The following NR2C2 variants were observed in gnomAD, a reference collection of about 807,000 sequenced individuals.
NR2C2 encodes nuclear receptor subfamily 2 group C member 2, also known as Nuclear hormone receptor TR4.
A neutral mutation model predicts 62.9 loss-of-function variants in NR2C2; 6 were observed. The ratio of observed to expected loss-of-function variants is 0.10; its 90% CI spans 0.05 to 0.19. The LOEUF is 0.19. Among genes scored for constraint, NR2C2 ranks in the 10% least tolerant of loss-of-function variants. The pLI is 1.00. For missense variants in NR2C2, 479 were observed against 762.7 expected (o/e 0.63, Z 4.38); for synonymous variants, 272 against 273.8 (o/e 0.99, Z 0.07).
At chr3:14,948,678 TC>T (rs1388912760) in intron 1 of NR2C2, 1 of 152,820 alleles carries the variant, frequency 6.5e-6, no homozygotes, top group African/African-American at 2.4e-5. Flanking sequence ...GCTGCTTCCC[TC>T]CGCCTGGAAC....
chr3:14,970,625 A>G (rs1263700972), intron 1 of NR2C2, among the ~76,000 whole-genome samples: 1 of 152,164 alleles, frequency 6.6e-6, no homozygotes, highest in Non-Finnish European at 1.5e-5. Context: ...AATGTCCTCA[A>G]GGTTAATCCA....
intron 2 of NR2C2, among the ~76,000 whole-genome samples, chr3:15,009,220 C>A (rs1463863229): frequency 6.6e-6 from 1 of 152,188 alleles, no homozygotes; most frequent in African/African-American, 2.4e-5. Flanking sequence ...GAAACTCCGT[C>A]TCAAAAATAA....
chr3:15,014,426 C>A (rs2041446171), intron 3 of NR2C2, among the ~76,000 whole-genome samples: 1 of 151,754 alleles, frequency 6.6e-6, no homozygotes, highest in African/African-American at 2.4e-5. Flanking sequence ...GTCAGTATCC[C>A]ATGATGGCTG....
chr3:14,983,643 T>TA (rs541936813), intron 1 of NR2C2, among the ~76,000 whole-genome samples: 202 of 152,284 alleles, frequency 1.3e-3, no homozygotes, highest in African/African-American at 4.6e-3. Context: ...ATAATGTATA[T>TA]AAAATGAGAA....
chr3:15,007,158 C>T (rs1230373589), intron 2 of NR2C2, among the ~76,000 whole-genome samples: 5 of 132,998 alleles, frequency 3.8e-5, no homozygotes, highest in Middle Eastern at 5.6e-3. Flanking sequence ...GGCGGAGTCT[C>T]GCTCTGTCGC....
intron 13 of NR2C2, 42 bp from the exon 14 acceptor site, chr3:15,042,792 G>A (rs1168570343): frequency 5.0e-6 from 8 of 1,585,036 alleles, no homozygotes; most frequent in Non-Finnish European, 6.9e-6. Context: ...TGGTTGAAGG[G>A]CATCAAACAG....
chr3:14,981,747 G>A (rs2040376832), intron 1 of NR2C2, among the ~76,000 whole-genome samples: 1 of 152,186 alleles, frequency 6.6e-6, no homozygotes, highest in Non-Finnish European at 1.5e-5. Flanking sequence ...GCAGCCTTCA[G>A]TCGGTGGCCA....
At chr3:15,012,635 C>T (rs1347144640) in intron 2 of NR2C2, among the ~76,000 whole-genome samples, 4 of 152,202 alleles carry the variant, frequency 2.6e-5, no homozygotes, top group African/African-American at 9.7e-5. Flanking sequence ...CCTCACCCAA[C>T]ACAGCAGCAG....
chr3:15,005,372 T>G (rs1574992361), intron 2 of NR2C2, among the ~76,000 whole-genome samples: 1 of 108,456 alleles, frequency 9.2e-6, no homozygotes, highest in African/African-American at 2.8e-5. Flanking sequence ...ATAATGCTTT[T>G]TTTTTTTTTT....
chr3:15,034,240 G>C (rs1187399516), intron 10 of NR2C2: 1 of 153,594 alleles, frequency 6.5e-6, no homozygotes, highest in Non-Finnish European at 1.4e-5. Context: ...CTGCCCTGCA[G>C]GGTTGCAGGG....
intron 1 of NR2C2, among the ~76,000 whole-genome samples, chr3:14,950,364 G>C (rs1225293148): frequency 6.6e-6 from 1 of 152,136 alleles, no homozygotes; most frequent in Non-Finnish European, 1.5e-5. Flanking sequence ...TGTTGTTCAG[G>C]CGCCACTAGA....
chr3:14,997,747 A>G (rs1225029956), intron 1 of NR2C2, among the ~76,000 whole-genome samples: 2 of 152,234 alleles, frequency 1.3e-5, no homozygotes, highest in African/African-American at 4.8e-5. Flanking sequence ...AAAAAATTTA[A>G]TAGCCCAGTA....
At chr3:14,956,340 A>G (rs1031977513) in intron 1 of NR2C2, among the ~76,000 whole-genome samples, 5 of 152,202 alleles carry the variant, frequency 3.3e-5, no homozygotes, top group African/African-American at 4.8e-5. Flanking sequence ...GACTTCTAAC[A>G]ATCAGAATAA....
At chr3:14,975,248 T>A (rs998386808) in intron 1 of NR2C2, among the ~76,000 whole-genome samples, 3 of 152,232 alleles carry the variant, frequency 2.0e-5, no homozygotes, top group Non-Finnish European at 4.4e-5. Flanking sequence ...GGCTAGGACT[T>A]CTAGTACAAG....
intron 1 of NR2C2, among the ~76,000 whole-genome samples, chr3:14,950,959 C>T (rs1192164820): frequency 6.6e-6 from 1 of 152,302 alleles, no homozygotes; most frequent in African/African-American, 2.4e-5. Context: ...ATGCCACTTT[C>T]TGGAGACATA....
At chr3:14,988,144 C>T (rs1386132019) in intron 1 of NR2C2, among the ~76,000 whole-genome samples, 1 of 152,240 alleles carries the variant, frequency 6.6e-6, no homozygotes, top group Non-Finnish European at 1.5e-5. Flanking sequence ...GGAGAAGTAG[C>T]TCTGCAGCTT....
At position 15,013,769 on chromosome 3, in the gene NR2C2, C is replaced by G. The variant is rs779457286; in HGVS notation, c.253C>G (p.Leu85Val). Residue 85 changes from leucine to valine, a missense_variant, in exon 3 of 14, where the codon CTC (leucine) becomes GTC (valine). This residue lies in a region of NR2C2 where 115 missense variants were observed against 152.3 expected (regional missense o/e 0.76). Coordinates refer to ENST00000425241, the MANE Select transcript of NR2C2 (RefSeq NM_001291694.2). Reference protein sequence around the residue: ...KQLIFTTSDNLVPGRIQIVTD... With the variant: ...KQLIFTTSDNVVPGRIQIVTD... ...ACTCATATTCACCACCTCAGACAAC[C>G]TCGTCCCTGGCAGGATCCAGGTAAG... is the stretch of plus-strand genomic sequence containing the variant. 3.7e-6 allele frequency: 6 copies of G among 1,614,098 alleles called. No homozygotes were observed. The highest frequency in any genetic ancestry group is 5.1e-6 in the Non-Finnish European group (6 of 1,180,036).
In NR2C2 at chr3:15,028,641, C is replaced by T. The variant is rs2041887333; in HGVS notation, c.854C>T (p.Ala285Val). 6.2e-7 allele frequency: 1 copy of T among 1,613,972 alleles called. No homozygotes were observed. The highest frequency in any genetic ancestry group is 1.1e-5 in the South Asian group (1 of 91,082). ...GTLANVVTSLANLSESLNNGD... is the reference protein window; with the variant it reads ...GTLANVVTSLVNLSESLNNGD... ...CTGGCAAATGTAGTGACCTCCCTTG[C>T]CAACCTAAGTGAATCTTTGAACAAC... Residue 285 changes from alanine (A) to valine (V), a missense_variant, in exon 8 of 14, where the codon GCC becomes GTC. Transcript: ENST00000425241.
chr3:15,037,769 A>G (rs1018915733), intron 11 of NR2C2, among the ~76,000 whole-genome samples: 5 of 152,230 alleles, frequency 3.3e-5, no homozygotes, highest in Non-Finnish European at 7.3e-5. Context: ...GTCAGGGAGA[A>G]TCACTGGTCT....
Sources: gnomAD v4.1 joint callset for allele counts (sites outside exome capture counted in the v4.1 genomes callset) on GRCh38, gnomAD v4.1.1 for gene constraint, gnomAD v4.1.1 regional missense constraint, MANE v1.5 for transcripts, NCBI Gene and HGNC (gene_info 2026-07-23, HGNC 2026-07-21) for gene names.